COPB1: variants seen among roughly 807,000 people sequenced by gnomAD.
COPB1 encodes the protein coatomer subunit beta.
COPB1 carries 21 observed loss-of-function variants against 108.7 expected under a neutral mutation model. The observed-to-expected ratio is 0.19, with a 90% CI of 0.14 to 0.28. The LOEUF (loss-of-function observed/expected upper bound fraction) is 0.28, where lower values mean the gene tolerates loss of function less well. Ranked by LOEUF, COPB1 falls within the 10% of genes least tolerant of loss-of-function variation. COPB1 has a pLI of 1.00. For synonymous variants in COPB1, 378 were observed against 386.8 expected (o/e 0.98, Z 0.27); for missense variants, 919 against 1,141.3 (o/e 0.81, Z 2.81).
chr11:14,483,054 G>A lies in COPB1; in HGVS notation c.935C>T (p.Pro312Leu), dbSNP rs1281266782. 1.9e-6 allele frequency: 3 copies of A among 1,575,270 alleles called. No individual in the cohort carries two copies. Among genetic ancestry groups the A allele is most frequent in the South Asian group, 1.1e-5 (1 of 87,700 alleles). Residue 312 changes from proline to leucine, a missense_variant, in exon 8 of 22, where the codon CCT (proline) becomes CTT (leucine). Pro to Leu is a moderately conservative substitution (Grantham distance 98). Around this residue, in one of 5 missense-constraint regions of COPB1, gnomAD observed 705 missense variants for 817.8 expected, o/e 0.86. Transcript: ENST00000439561. ...TACCTGTAGTACTCGTTCATGAGCA[G>A]GATGCTCTTTTAATTCTATCAAGCG... ...LDRLIELKEH[P>L]AHERVLQDLV...
chr11:14,478,568 G>A (rs1009300528), intron 11 of COPB1, among the ~76,000 whole-genome samples: 2 of 151,074 alleles, frequency 1.3e-5, no homozygotes, highest in African/African-American at 4.8e-5. Flanking sequence ...AAGTACAAGG[G>A]ATCAGTAAAA....
intron 4 of COPB1, among the ~76,000 whole-genome samples, chr11:14,492,548 G>T (rs1024252867): frequency 5.3e-5 from 8 of 151,798 alleles, no homozygotes; most frequent in African/African-American, 1.9e-4. Context: ...TCTCCATGTT[G>T]GTCAGGCTGG....
chr11:14,468,586 A>C, intron 16 of COPB1, 95 bp downstream of exon 16: 2 of 1,252,852 alleles, frequency 1.6e-6, no homozygotes, highest in Non-Finnish European at 1.1e-6. Context: ...CAGTGACTTG[A>C]CAAAATAGTT....
rs540119385 is a variant in COPB1, at chr11:14,485,573, G to A, written c.837+794C>T. ...ATTAAAACATGTTTTGTGGCCAGGC[G>A]CGGTGGCTTACGCCTGTAATCCCAG... On this transcript the variant is annotated intron_variant, in intron 7 of 21. Transcript: ENST00000439561. Among the ~76,000 whole-genome samples the A allele has an allele frequency of 7.3e-4, 111 of 152,320 alleles. 1 individual carries two copies. The highest frequency in any genetic ancestry group is 2.1e-4 in the Non-Finnish European group (14 of 68,032).
At chr11:14,458,229 C>T (rs962691129) in intron 21 of COPB1, among the ~76,000 whole-genome samples, 2 of 151,574 alleles carry the variant, frequency 1.3e-5, no homozygotes, top group East Asian at 1.9e-4. Context: ...ACCGGGTGTG[C>T]GCTACAACAC....
At position 14,469,386 on chromosome 11, in the gene COPB1, G is replaced by C. The variant is rs768589584; in HGVS notation, c.1915C>G (p.Leu639Val). 6.2e-6 allele frequency: 10 copies of C among 1,614,066 alleles called. No individual in the cohort carries two copies. Among genetic ancestry groups the C allele is most frequent in the Non-Finnish European group, 7.6e-6 (9 of 1,180,024 alleles). ...DIFNKECRQS[L>V]SHMLSAKLEE... Reference sequence around the variant, plus strand: ...AGTTTAGCAGATAACATGTGAGAAAGGGACTGTCTGCATTCCTTATTGAAA... The same window carrying C: ...AGTTTAGCAGATAACATGTGAGAAACGGACTGTCTGCATTCCTTATTGAAA... The change falls in exon 15 of 22, where the codon CTT becomes GTT. Residue 639 changes from leucine to valine, a missense_variant. By Grantham distance (32) the Leu-to-Val change is conservative. This residue lies in a region of COPB1 where 705 missense variants were observed against 817.8 expected (regional missense o/e 0.86). Transcript: ENST00000439561.
At chr11:14,494,671 G>A (rs886778428) in intron 2 of COPB1, 2 of 388,344 alleles carry the variant, frequency 5.2e-6, no homozygotes, top group Admixed American at 8.3e-5. Context: ...ATAATATGAA[G>A]GCGCTGGATT....
In COPB1 at chr11:14,479,608, T is replaced by A. The variant is rs752264468; in HGVS notation, c.1319A>T (p.Glu440Val). The change falls in exon 11 of 22, where the codon GAG (glutamate) becomes GTG (valine). Residue 440 changes from glutamate (E) to valine (V), a missense_variant. Glu to Val is a moderately radical substitution (Grantham distance 121). This residue lies in a region of COPB1 where 705 missense variants were observed against 817.8 expected (regional missense o/e 0.86). Coordinates refer to ENST00000439561, the MANE Select transcript of COPB1 (RefSeq NM_001144061.2). ...RFDNLRMLIV[E>V]KMLEVFHAIK... ...AGCATGAAAGACTTCAAGCATCTTC[T>A]CAACAATAAGCATTCTCAGGTTATC... 69 of 1,612,962 alleles carry A rather than the reference T, an allele frequency of 4.3e-5. 2 individuals are homozygous for A. In the South Asian group the frequency reaches 6.2e-4, roughly 14 times the overall value.
At chr11:14,475,764 G>A in intron 13 of COPB1, 21 bp downstream of exon 13, 1 of 1,498,414 alleles carries the variant, frequency 6.7e-7, no homozygotes, top group South Asian at 1.4e-5. Context: ...CAGCTGGCAG[G>A]GTATATGTGC....
intron 7 of COPB1, 21 bp from the exon 8 acceptor site, chr11:14,483,172 A>T: frequency 6.6e-7 from 1 of 1,511,164 alleles, no homozygotes; most frequent in Non-Finnish European, 9.0e-7. Context: ...AAAGAAATAC[A>T]TTTTAAGAAG....
At chr11:14,460,038 C>T (rs1195860281) in intron 20 of COPB1, 170 bp downstream of exon 20, 3 of 541,036 alleles carry the variant, frequency 5.5e-6, no homozygotes, top group East Asian at 3.1e-5. Context: ...ATGGTATAGT[C>T]CAATAGAAAG....
chr11:14,459,068 C>T lies in COPB1; in HGVS notation c.2647-381G>A, dbSNP rs1316912247. 5.9e-5 allele frequency among the ~76,000 whole-genome samples: 9 copies of T among 152,138 alleles called. No individual in the cohort carries two copies. The East Asian group carries it at 1.7e-3, about 29-fold the overall frequency. ...CAGGTGTGAGCCACCACGCCCAGCC[C>T]CATTGGTTATTTATCACTTAAAACA... On this transcript the variant is annotated intron_variant, in intron 20 of 21. Coordinates refer to ENST00000439561, the MANE Select transcript of COPB1 (RefSeq NM_001144061.2).
chr11:14,493,769 G>A lies in COPB1; in HGVS notation c.364C>T (p.Arg122Cys), dbSNP rs762227389. 5.0e-6 allele frequency: 8 copies of A among 1,612,476 alleles called. No individual in the cohort carries two copies. The highest frequency in any genetic ancestry group is 3.3e-5 in the Admixed American group (2 of 59,782). Reference sequence around the variant, plus strand: ...GCTTCTTTCAATTTGCAAAGAAAACGAAGAGTAGATCCTCGAATAAATTCA... The same window carrying A: ...GCTTCTTTCAATTTGCAAAGAAAACAAAGAGTAGATCCTCGAATAAATTCA... ...PNEFIRGSTL[R>C]FLCKLKEAEL... Residue 122 changes from arginine (R) to cysteine (C), a missense_variant, in exon 4 of 22, where the codon CGT becomes TGT. Transcript: ENST00000439561.
intron 20 of COPB1, chr11:14,459,972 TAA>T (rs950682435): frequency 2.9e-6 from 1 of 343,588 alleles, no homozygotes. Context: ...GAAAAGAAAA[TAA>T]AAAAAAAATT....
chr11:14,498,704 G>T, intron 2 of COPB1, 134 bp downstream of exon 2: 3 of 613,580 alleles, frequency 4.9e-6, no homozygotes, highest in Non-Finnish European at 8.0e-6. Context: ...TTAATAAAAG[G>T]TCTATCGAAG....
At chr11:14,478,422 A>T (rs1850576189) in intron 11 of COPB1, among the ~76,000 whole-genome samples, 1 of 123,866 alleles carries the variant, frequency 8.1e-6, no homozygotes, top group Non-Finnish European at 1.9e-5. Context: ...TTAAAAAAAT[A>T]AATAAATAAA....
intron 6 of COPB1, among the ~76,000 whole-genome samples, chr11:14,488,043 C>A (rs1403703470): frequency 6.6e-6 from 1 of 152,162 alleles, no homozygotes; most frequent in Non-Finnish European, 1.5e-5. Flanking sequence ...TTTTAGATTT[C>A]CTGTCAATGG....
chr11:14,476,199 G>A (rs940463509), intron 12 of COPB1, among the ~76,000 whole-genome samples: 4 of 152,154 alleles, frequency 2.6e-5, no homozygotes, highest in African/African-American at 9.7e-5. Flanking sequence ...AATCTGCTAA[G>A]TGGAAATCTT....
chr11:14,469,666 T>C, intron 14 of COPB1, 103 bp from the exon 15 acceptor site: 1 of 992,160 alleles, frequency 1.0e-6, no homozygotes, highest in Non-Finnish European at 1.5e-6. Flanking sequence ...TTCACCTGAA[T>C]AAGATTTCAA....
Sources: gnomAD v4.1 joint callset for allele counts (sites outside exome capture counted in the v4.1 genomes callset) on GRCh38, gnomAD v4.1.1 for gene constraint, gnomAD v4.1.1 regional missense constraint, MANE v1.5 for transcripts, NCBI Gene and HGNC (gene_info 2026-07-23, HGNC 2026-07-21) for gene names.